The following DYNLT2B variants were observed in gnomAD, a reference collection of about 807,000 sequenced individuals.
DYNLT2B encodes dynein light chain Tctex-type 2B.
A neutral mutation model predicts 19.5 loss-of-function variants in DYNLT2B; 14 were observed. The ratio of observed to expected loss-of-function variants is 0.72; its 90% CI spans 0.47 to 1.12. The LOEUF is 1.12. Ranked by LOEUF, DYNLT2B falls within the 50% of genes most tolerant of loss-of-function variation. DYNLT2B has a pLI of 0.00. For missense variants in DYNLT2B, 133 were observed against 174.7 expected (o/e 0.76, Z 1.35); for synonymous variants, 70 against 59.7 (o/e 1.17, Z -0.79).
At chr3:196,301,014 G>A (rs574102917) in intron 3 of DYNLT2B, among the ~76,000 whole-genome samples, 22 of 147,084 alleles carry the variant, frequency 1.5e-4, no homozygotes, top group Non-Finnish European at 2.7e-4. Context: ...AGCTGAGATC[G>A]CACCACTGCA....
intron 3 of DYNLT2B, chr3:196,298,251 G>A (rs960703653): frequency 9.8e-6 from 2 of 203,744 alleles, no homozygotes; most frequent in African/African-American, 4.7e-5. Flanking sequence ...CCACAAGAGA[G>A]AGTTGTTTGT....
chr3:196,306,971 T>A lies in DYNLT2B; in HGVS notation c.289A>T (p.Ile97Phe), dbSNP rs147435808. 2.5e-4 allele frequency: 403 copies of A among 1,614,110 alleles called. No individual in the cohort carries two copies. The highest frequency in any genetic ancestry group is 3.1e-4 in the Non-Finnish European group (368 of 1,179,984). The change falls in exon 3 of 5, where the codon ATT becomes TTT. Residue 97 changes from isoleucine (I) to phenylalanine (F), a missense_variant. Physicochemically the swap from Ile to Phe is conservative, Grantham distance 21 (BLOSUM62 0). Coordinates refer to ENST00000325318, the MANE Select transcript of DYNLT2B (RefSeq NM_152773.5). ...DRYKMVVQVV[I>F]GEQRGEGVFM... ...ACTCCTTCACCTCTTTGTTCTCCAA[T>A]CACTACTTGCACCACCATTTTGTAT...
intron 2 of DYNLT2B, among the ~76,000 whole-genome samples, chr3:196,308,294 G>T (rs902532771): frequency 6.6e-6 from 1 of 151,868 alleles, no homozygotes; most frequent in Non-Finnish European, 1.5e-5. Context: ...AGTAAGAGGG[G>T]ACCAGGTCAG....
chr3:196,307,501 C>T (rs146968129), intron 2 of DYNLT2B, among the ~76,000 whole-genome samples: 141 of 152,108 alleles, frequency 9.3e-4, no homozygotes, highest in African/African-American at 3.0e-3. Context: ...AGGTGTTTCA[C>T]CATGTTGCCC....
Position 196,303,879 on chromosome 3 carries a change from C to T in DYNLT2B, c.317+3064G>A, listed in dbSNP as rs570600737. 9.7e-4 allele frequency among the ~76,000 whole-genome samples: 147 copies of T among 152,068 alleles called. 1 individual carries two copies. In the South Asian group the frequency reaches 0.029, roughly 30 times the overall value. ...ATGTAGATGTTAACCATAGGGAGTC[C>T]GGGTGCGGTAGATGATGCCTGTAAC... On this transcript the variant is annotated intron_variant, in intron 3 of 4. Coordinates refer to ENST00000325318, the MANE Select transcript of DYNLT2B (RefSeq NM_152773.5).
At chr3:196,299,913 AGAGT>A (rs1173339769) in intron 3 of DYNLT2B, among the ~76,000 whole-genome samples, 1 of 152,222 alleles carries the variant, frequency 6.6e-6, no homozygotes, top group African/African-American at 2.4e-5. Context: ...CCTGGGCAAC[AGAGT>A]GAGACTCTTT....
At chr3:196,309,853 CAGG>C (rs1726586607) in intron 2 of DYNLT2B, among the ~76,000 whole-genome samples, 1 of 150,800 alleles carries the variant, frequency 6.6e-6, no homozygotes, top group Non-Finnish European at 1.5e-5. Flanking sequence ...GGAGGCTGAG[CAGG>C]AGAATCGCTT....
intron 3 of DYNLT2B, among the ~76,000 whole-genome samples, chr3:196,303,901 TA>T (rs1309845812): frequency 2.0e-5 from 3 of 152,200 alleles, no homozygotes; most frequent in African/African-American, 7.2e-5. Flanking sequence ...ATGATGCCTG[TA>T]ACCCCAGTGT....
chr3:196,302,708 G>C (rs188989117), intron 3 of DYNLT2B, among the ~76,000 whole-genome samples: 3 of 152,080 alleles, frequency 2.0e-5, no homozygotes, highest in Non-Finnish European at 4.4e-5. Flanking sequence ...GGCTGCACAC[G>C]ATGATTTCCT....
At chr3:196,318,006 G>T in intron 1 of DYNLT2B, 34 bp downstream of exon 1, 3 of 1,363,820 alleles carry the variant, frequency 2.2e-6, no homozygotes, top group South Asian at 1.5e-5. Flanking sequence ...CAGCGCGCTC[G>T]AGGTCGCCCC....
At chr3:196,310,468 G>A (rs933739320) in intron 2 of DYNLT2B, among the ~76,000 whole-genome samples, 3 of 151,358 alleles carry the variant, frequency 2.0e-5, no homozygotes, top group Admixed American at 6.6e-5. Context: ...TCGCTCTGTC[G>A]CTCAGGCTGG....
At chr3:196,301,075 A>G (rs182628601) in intron 3 of DYNLT2B, among the ~76,000 whole-genome samples, 1 of 152,164 alleles carries the variant, frequency 6.6e-6, no homozygotes, top group Non-Finnish European at 1.5e-5. Flanking sequence ...AGAAAAAAAA[A>G]AGGGATGAAT....
At chr3:196,299,821 C>T (rs1318685964) in intron 3 of DYNLT2B, among the ~76,000 whole-genome samples, 1 of 151,974 alleles carries the variant, frequency 6.6e-6, no homozygotes, top group African/African-American at 2.4e-5. Context: ...GTCCCAGCTA[C>T]TCGGGAGGCT....
At chr3:196,307,355 A>G (rs1726515355) in intron 2 of DYNLT2B, among the ~76,000 whole-genome samples, 1 of 151,986 alleles carries the variant, frequency 6.6e-6, no homozygotes, top group Non-Finnish European at 1.5e-5. Flanking sequence ...AGGCTGGAGT[A>G]CAGTGGCACG....
chr3:196,314,659 T>A lies in DYNLT2B; in HGVS notation c.247+1439A>T, dbSNP rs114752889. Among the ~76,000 whole-genome samples, 1,282 of 149,918 alleles carry A rather than the reference T, an allele frequency of 8.6e-3. 13 individuals are homozygous for A. The highest frequency in any genetic ancestry group is 0.03 in the African/African-American group (1,236 of 40,784). ...AAGACACCATCTCTACAGAAAAATT[T>A]AAAAATTAAAAAATTAGCCAAGCAC... On this transcript the variant is annotated intron_variant, in intron 2 of 4. Transcript: ENST00000325318.
chr3:196,312,794 A>G (rs1726677095), intron 2 of DYNLT2B, among the ~76,000 whole-genome samples: 2 of 152,154 alleles, frequency 1.3e-5, no homozygotes, highest in African/African-American at 4.8e-5. Flanking sequence ...AAAGGCAGGC[A>G]TTCTCAAACA....
intron 3 of DYNLT2B, among the ~76,000 whole-genome samples, chr3:196,300,826 G>T (rs1018428320): frequency 4.0e-5 from 6 of 151,118 alleles, no homozygotes; most frequent in Admixed American, 1.3e-4. Flanking sequence ...GGGAGGCCAA[G>T]GCAGGAGAAT....
intron 1 of DYNLT2B, among the ~76,000 whole-genome samples, chr3:196,317,050 TGGTGTG>T (rs1560194735): frequency 1.1e-5 from 1 of 89,752 alleles, no homozygotes; most frequent in African/African-American, 4.1e-5. Context: ...GTGTGTTGTG[TGGTGTG>T]TGTGTGGTGT....
intron 3 of DYNLT2B, among the ~76,000 whole-genome samples, chr3:196,300,109 C>G (rs954647168): frequency 6.6e-6 from 1 of 151,992 alleles, no homozygotes; most frequent in African/African-American, 2.4e-5. Context: ...CTGGAACAGA[C>G]GAGGAAATGG....
Sources: allele counts gnomAD v4.1 joint callset (sites outside exome capture counted in the v4.1 genomes callset), GRCh38; gene constraint gnomAD v4.1.1; transcripts MANE v1.5; gene names NCBI Gene and HGNC (gene_info 2026-07-23, HGNC 2026-07-21).